NAV2: variants seen among roughly 807,000 people sequenced by gnomAD.
NAV2 encodes the protein neuron navigator 2.
NAV2 carries 54 observed loss-of-function variants against 223.2 expected under a neutral mutation model. The observed-to-expected ratio is 0.24, with a 90% CI of 0.19 to 0.30. NAV2 has a LOEUF of 0.30. NAV2 is among the 10% of genes least tolerant of loss of function. The probability of loss-of-function intolerance (pLI) is 1.00; values close to 1 mark genes in which losing one functional copy is unlikely to be tolerated. For synonymous variants in NAV2, 1,279 were observed against 1,239.3 expected, an observed-to-expected ratio of 1.03 and a Z score of -0.67; for missense variants, 2,806 against 3,147.5, an observed-to-expected ratio of 0.89 and a Z score of 2.60.
intron 10 of NAV2, among the ~76,000 whole-genome samples, chr11:19,977,220 A>T (rs1358815728): frequency 6.6e-6 from 1 of 152,190 alleles, no homozygotes; most frequent in Non-Finnish European, 1.5e-5. Flanking sequence ...AAAATGAAAG[A>T]TTACATTTCT....
intron 3 of NAV2, among the ~76,000 whole-genome samples, chr11:19,849,249 A>G (rs913473171): frequency 6.6e-6 from 1 of 152,240 alleles, no homozygotes; most frequent in Middle Eastern, 3.4e-3. Context: ...TATGGTGTTT[A>G]CCTCTGTGAC....
At chr11:19,677,059 G>C (rs1262042101) in intron 1 of NAV2, among the ~76,000 whole-genome samples, 2 of 152,226 alleles carry the variant, frequency 1.3e-5, no homozygotes, top group Non-Finnish European at 2.9e-5. Context: ...ACAGAAAAAG[G>C]CTATCAACTT....
At chr11:19,921,268 T>G (rs540610152) in intron 6 of NAV2, among the ~76,000 whole-genome samples, 3 of 152,358 alleles carry the variant, frequency 2.0e-5, no homozygotes, top group South Asian at 2.1e-4. Flanking sequence ...AATACAATCA[T>G]AGAGAGTGAA....
chr11:19,450,167 A>G (rs1851741383), intron 1 of NAV2, among the ~76,000 whole-genome samples: 1 of 152,200 alleles, frequency 6.6e-6, no homozygotes, highest in African/African-American at 2.4e-5. Flanking sequence ...AGGGGTGAGC[A>G]GCCGCATGGT....
chr11:19,477,458 A>C (rs2042153491), intron 1 of NAV2, among the ~76,000 whole-genome samples: 1 of 152,248 alleles, frequency 6.6e-6, no homozygotes, highest in Admixed American at 6.5e-5. Flanking sequence ...CAGTCCTACA[A>C]GTAACAAAAT....
At chr11:19,729,927 C>A (rs1311460685) in intron 1 of NAV2, among the ~76,000 whole-genome samples, 2 of 152,198 alleles carry the variant, frequency 1.3e-5, no homozygotes, top group African/African-American at 4.8e-5. Context: ...TCAGCACTTA[C>A]TATGTGCCAG....
intron 1 of NAV2, among the ~76,000 whole-genome samples, chr11:19,366,445 C>T (rs1250715713): frequency 6.6e-6 from 1 of 151,856 alleles, no homozygotes; most frequent in East Asian, 1.9e-4. Context: ...TGTAGCTTTC[C>T]TTGGGATGCT....
At chr11:19,688,583 G>GCT (rs2049085528) in intron 1 of NAV2, among the ~76,000 whole-genome samples, 1 of 152,218 alleles carries the variant, frequency 6.6e-6, no homozygotes, top group African/African-American at 2.4e-5. Context: ...ATATTCATAT[G>GCT]CTCTTTTCAA....
At chr11:19,420,096 G>C (rs1301273018) in intron 1 of NAV2, among the ~76,000 whole-genome samples, 1 of 152,170 alleles carries the variant, frequency 6.6e-6, no homozygotes, top group Non-Finnish European at 1.5e-5. Context: ...TGACCTATGG[G>C]CGGTTGTGTT....
intron 10 of NAV2, among the ~76,000 whole-genome samples, chr11:19,956,365 T>TACACACAC (rs113677958): frequency 9.6e-6 from 1 of 103,876 alleles, no homozygotes; most frequent in South Asian, 2.6e-4. Flanking sequence ...CCGACACACA[T>TACACACAC]ACACACACAC....
chr11:19,766,649 T>C (rs1024726652), intron 1 of NAV2, among the ~76,000 whole-genome samples: 4 of 152,108 alleles, frequency 2.6e-5, no homozygotes, highest in Non-Finnish European at 4.4e-5. Flanking sequence ...GAAAAGCTGG[T>C]AGTTCTGGAG....
At chr11:19,368,652 C>T (rs946970862) in intron 1 of NAV2, among the ~76,000 whole-genome samples, 5 of 152,154 alleles carry the variant, frequency 3.3e-5, no homozygotes, top group African/African-American at 1.2e-4. Flanking sequence ...TATTATATAT[C>T]AGGAACTGTT....
At position 20,083,136 on chromosome 11, in the gene NAV2, A is replaced by G; in HGVS notation, c.5455A>G (p.Thr1819Ala). The G allele has an allele frequency of 6.2e-7, 1 of 1,614,052 alleles. No individual in the cohort carries two copies. Among genetic ancestry groups the G allele is most frequent in the Admixed American group, 1.7e-5 (1 of 60,022 alleles). ...SSPKLPHNGS[T>A]GSTPLLRNSH... ...ACCAAAGTTACCGCACAATGGGTCC[A>G]CAGGTTCCACCCCACTGCTGAGGAA... Residue 1819 changes from threonine to alanine, a missense_variant, in exon 26 of 38, where the codon ACA becomes GCA. Transcript: ENST00000349880.
intron 1 of NAV2, among the ~76,000 whole-genome samples, chr11:19,795,656 A>G (rs1367257039): frequency 1.3e-5 from 2 of 152,250 alleles, no homozygotes; most frequent in Non-Finnish European, 2.9e-5. Context: ...AGACAGGGGA[A>G]TGGGAAAGCA....
At chr11:19,934,626 C>G (rs899397439) in intron 7 of NAV2, among the ~76,000 whole-genome samples, 1 of 152,058 alleles carries the variant, frequency 6.6e-6, no homozygotes, top group Non-Finnish European at 1.5e-5. Flanking sequence ...TTGGTGTCAC[C>G]CGACAGTCCC....
At chr11:19,867,960 TGAA>T (rs1213946880) in intron 3 of NAV2, among the ~76,000 whole-genome samples, 1 of 152,178 alleles carries the variant, frequency 6.6e-6, no homozygotes, top group Non-Finnish European at 1.5e-5. Flanking sequence ...TGCTTGGAGT[TGAA>T]GAAACGAGAA....
intron 1 of NAV2, among the ~76,000 whole-genome samples, chr11:19,457,437 A>G (rs1253354631): frequency 6.6e-6 from 1 of 152,198 alleles, no homozygotes; most frequent in Non-Finnish European, 1.5e-5. Flanking sequence ...GATCTGACCT[A>G]GTGAGGACGA....
At chr11:19,614,917 TA>T (rs1193294649) in intron 1 of NAV2, among the ~76,000 whole-genome samples, 1 of 152,194 alleles carries the variant, frequency 6.6e-6, no homozygotes, top group Admixed American at 6.5e-5. Context: ...CTAGCCACCA[TA>T]AACTTTCATT....
At chr11:19,664,659 A>T (rs989867174) in intron 1 of NAV2, among the ~76,000 whole-genome samples, 98 of 152,290 alleles carry the variant, frequency 6.4e-4, no homozygotes, top group African/African-American at 2.1e-3. Flanking sequence ...CTCAGTAGAA[A>T]CTGAGAGTCA....
Sources: gnomAD v4.1 joint callset for allele counts (sites outside exome capture counted in the v4.1 genomes callset) on GRCh38, gnomAD v4.1.1 for gene constraint, MANE v1.5 for transcripts, NCBI Gene and HGNC (gene_info 2026-07-23, HGNC 2026-07-21) for gene names.